The following NUAK1 variants were observed in gnomAD, a reference collection of about 807,000 sequenced individuals.
NUAK1 encodes NUAK family kinase 1.
A neutral mutation model predicts 56.9 loss-of-function variants in NUAK1; 26 were observed. That is an observed-to-expected ratio of 0.46 (90% CI 0.33 to 0.63). NUAK1 has a LOEUF of 0.63. NUAK1 is among the 30% of genes least tolerant of loss of function. The pLI is 0.02. For synonymous variants in NUAK1, 337 were observed against 336.0 expected, an observed-to-expected ratio of 1.00 and a Z score of -0.03; for missense variants, 727 against 876.1, an observed-to-expected ratio of 0.83 and a Z score of 2.15.
Position 106,085,647 on chromosome 12 carries a change from T to C in NUAK1, c.513+1087A>G, listed in dbSNP as rs187253672. On this transcript the variant is annotated intron_variant, in intron 3 of 6. Coordinates refer to ENST00000261402, the MANE Select transcript of NUAK1 (RefSeq NM_014840.3). ...GGCTGAGACATGGCTTGTAGTTATC[T>C]GTGTACTTTATGCCTTTTCCAGAAA... Among the ~76,000 whole-genome samples, 10 of 152,338 alleles carry C rather than the reference T, an allele frequency of 6.6e-5. No homozygotes were observed. The East Asian group carries it at 1.9e-3, about 29-fold the overall frequency.
intron 1 of NUAK1, among the ~76,000 whole-genome samples, chr12:106,116,237 A>C (rs1337558984): frequency 1.3e-5 from 2 of 152,178 alleles, no homozygotes; most frequent in African/African-American, 2.4e-5. Flanking sequence ...GGGACATCTG[A>C]TCATTCCAGC....
In NUAK1 at chr12:106,138,020, G is replaced by T. The variant is rs1460235316; in HGVS notation, c.240+394C>A. On this transcript the variant is annotated intron_variant, in intron 1 of 6. Coordinates refer to ENST00000261402, the MANE Select transcript of NUAK1 (RefSeq NM_014840.3). This position sits in a 1 kb window ranked among gnomAD's most constrained non-coding sequence, Gnocchi z 5.0. ...GGACTTGAGGGGCTAGCTCCTAGCT[G>T]GGAATGTGGTTCTTTGGAGAGTTGT... is the stretch of plus-strand genomic sequence containing the variant. 6.6e-6 allele frequency among the ~76,000 whole-genome samples: 1 copy of T among 152,172 alleles called. No homozygotes were observed. The highest frequency in any genetic ancestry group is 6.5e-5 in the Admixed American group (1 of 15,282).
intron 6 of NUAK1, among the ~76,000 whole-genome samples, chr12:106,070,569 G>T (rs977860646): frequency 1.3e-5 from 2 of 152,190 alleles, no homozygotes; most frequent in Admixed American, 6.5e-5. Context: ...ACTCCTAGAA[G>T]GTGTGCTCTG....
chr12:106,085,538 G>A (rs543545333), intron 3 of NUAK1, among the ~76,000 whole-genome samples: 190 of 152,316 alleles, frequency 1.2e-3, no homozygotes, highest in African/African-American at 4.4e-3. Flanking sequence ...TATCCTCAAA[G>A]TAAATGACTG....
Position 106,066,790 on chromosome 12 carries a change from C to T in NUAK1, c.*12G>A, listed in dbSNP as rs369617236. On this transcript the variant is annotated 3_prime_UTR_variant, in exon 7 of 7. Coordinates refer to ENST00000261402, the MANE Select transcript of NUAK1 (RefSeq NM_014840.3). Reference sequence around the variant, plus strand: ...CCTCGTACCCCCGCCCGCCCCTGGGCGCCCTGGAATGCTAGTTGAGCTTGC... The same window carrying T: ...CCTCGTACCCCCGCCCGCCCCTGGGTGCCCTGGAATGCTAGTTGAGCTTGC... The T allele has an allele frequency of 3.6e-5, 58 of 1,593,860 alleles. No homozygotes were observed. The highest frequency in any genetic ancestry group is 2.6e-4 in the South Asian group (23 of 88,754).
At chr12:106,134,565 C>T (rs930171908) in intron 1 of NUAK1, among the ~76,000 whole-genome samples, 1 of 152,234 alleles carries the variant, frequency 6.6e-6, no homozygotes, top group Admixed American at 6.5e-5. Context: ...ACACCACCTA[C>T]TGCTCACTAG....
intron 1 of NUAK1, among the ~76,000 whole-genome samples, chr12:106,126,251 G>A (rs993273038): frequency 1.3e-5 from 2 of 152,198 alleles, no homozygotes; most frequent in South Asian, 2.1e-4. Flanking sequence ...TGAACTCAAC[G>A]GGGCAATATC....
Position 106,086,715 on chromosome 12 carries a change from G to A in NUAK1, c.513+19C>T, listed in dbSNP as rs370710739. On this transcript the variant is annotated intron_variant, in intron 3 of 6. Transcript: ENST00000261402. ...AAAAACCATCTACGGCCAAAGCTGCGGGCCAGGCGCAGCCATACCTTGTGA... is the reference window on the plus strand; with the variant it reads ...AAAAACCATCTACGGCCAAAGCTGCAGGCCAGGCGCAGCCATACCTTGTGA... The A allele has an allele frequency of 1.1e-5, 18 of 1,589,708 alleles. No individual in the cohort carries two copies. Among genetic ancestry groups the A allele is most frequent in the Admixed American group, 3.4e-5 (2 of 59,340 alleles).
intron 4 of NUAK1, among the ~76,000 whole-genome samples, chr12:106,077,317 C>T (rs565866045): frequency 1.3e-5 from 2 of 152,302 alleles, no homozygotes; most frequent in South Asian, 4.2e-4. Flanking sequence ...CTAGAACCCA[C>T]CTCACATAGG....
intron 1 of NUAK1, among the ~76,000 whole-genome samples, chr12:106,119,927 T>C (rs1353673614): frequency 6.6e-6 from 1 of 152,170 alleles, no homozygotes; most frequent in African/African-American, 2.4e-5. Context: ...CCTGAAGAAA[T>C]GCCTACAATG....
chr12:106,120,255 G>A (rs2032960886), intron 1 of NUAK1, among the ~76,000 whole-genome samples: 1 of 152,064 alleles, frequency 6.6e-6, no homozygotes, highest in African/African-American at 2.4e-5. Flanking sequence ...CACTGCAACT[G>A]GCCCTTTGCT....
chr12:106,077,218 C>T (rs2032473202), intron 4 of NUAK1, among the ~76,000 whole-genome samples: 1 of 152,172 alleles, frequency 6.6e-6, no homozygotes. Flanking sequence ...CCAGGAGAAC[C>T]TGGGGCTAAT....
chr12:106,067,189 C>A lies in NUAK1; in HGVS notation c.1599G>T (p.Ala533=). The A allele has an allele frequency of 1.2e-6, 2 of 1,613,964 alleles. No individual in the cohort carries two copies. The highest frequency in any genetic ancestry group is 1.7e-6 in the Non-Finnish European group (2 of 1,179,970). Residue 533 remains alanine, a synonymous_variant, in exon 7 of 7, where the codon GCG becomes GCT. Transcript: ENST00000261402. This position sits in a 1 kb window ranked among gnomAD's most constrained non-coding sequence, Gnocchi z 6.0. ...TGACCAGGGCTGGGTCCATGGTGCC[C>A]GCTGAGTATTTGCTGCTGTGTTTCA... is the stretch of plus-strand genomic sequence containing the variant. ...GILKHSSKYS[A]GTMDPALVSP...
rs757859531 is a variant in NUAK1 at position 106,067,862 on chromosome 12, C to T, written c.926G>A (p.Gly309Asp). ...DIANHWWVNW[G>D]YKSSVCDCDA... Reference sequence around the variant, plus strand: ...ACAGTCACACACGCTGCTCTTATAGCCCCAGTTCACCCACCAGTGGTTGGC... The same window carrying T: ...ACAGTCACACACGCTGCTCTTATAGTCCCAGTTCACCCACCAGTGGTTGGC... The change falls in exon 7 of 7, where the codon GGC becomes GAC. Residue 309 changes from glycine to aspartate, a missense_variant. Gly to Asp is a moderately conservative substitution (Grantham distance 94). Coordinates refer to ENST00000261402, the MANE Select transcript of NUAK1 (RefSeq NM_014840.3). The surrounding 1 kb of genome is among the most constrained non-coding windows in gnomAD (Gnocchi z 6.0). The T allele has an allele frequency of 6.2e-7, 1 of 1,614,194 alleles. No homozygotes were observed. The highest frequency in any genetic ancestry group is 1.3e-5 in the African/African-American group (1 of 75,058).
In NUAK1 at chr12:106,066,616, C is replaced by A. The variant is rs1592846117; in HGVS notation, c.*186G>T. The A allele has an allele frequency of 1.6e-6, 1 of 630,136 alleles. No homozygotes were observed. Among genetic ancestry groups the A allele is most frequent in the Non-Finnish European group, 2.8e-6 (1 of 357,256 alleles). 39.0% of individuals were successfully genotyped at this position (630,136 alleles called of 1,614,324 possible). ...AAATTCTGACTGACAATTGACAGAA[C>A]TGGCAGAAGAGCCCACCTCTCCCTT... is the stretch of plus-strand genomic sequence containing the variant. On this transcript the variant is annotated 3_prime_UTR_variant, in exon 7 of 7. Coordinates refer to ENST00000261402, the MANE Select transcript of NUAK1 (RefSeq NM_014840.3).
At chr12:106,091,404 T>C (rs960877781) in intron 2 of NUAK1, among the ~76,000 whole-genome samples, 7 of 152,180 alleles carry the variant, frequency 4.6e-5, no homozygotes, top group Admixed American at 3.9e-4. Flanking sequence ...GCCTGGTTTT[T>C]AGCACAGCAG....
Position 106,138,424 on chromosome 12 carries a change from GA to G in NUAK1, c.229del (p.Ser77LeufsTer7), listed in dbSNP as rs1394646497. The G allele has an allele frequency of 6.2e-7, 1 of 1,609,670 alleles. No homozygotes were observed. Among genetic ancestry groups the G allele is most frequent in the African/African-American group, 1.3e-5 (1 of 74,952 alleles). ...GKVKRATERF[S>X]GRVVAIKSIR... Reference sequence around the variant, plus strand: ...GATTGCCCCACTCACCACTCGGCCAGAAAACCTCTCGGTGGCCCGCTTGACT... The same window carrying G: ...GATTGCCCCACTCACCACTCGGCCAGAAACCTCTCGGTGGCCCGCTTGACT... On this transcript the variant is annotated frameshift_variant, in exon 1 of 7. Transcript: ENST00000261402. LOFTEE classifies it high-confidence loss of function. The surrounding 1 kb of genome is among the most constrained non-coding windows in gnomAD (Gnocchi z 5.0).
chr12:106,106,380 G>T, intron 2 of NUAK1, 25 bp downstream of exon 2: 1 of 1,528,664 alleles, frequency 6.5e-7, no homozygotes, highest in Non-Finnish European at 8.9e-7. Flanking sequence ...TGATATGGGG[G>T]TTAAAAAAAA....
At chr12:106,106,669 C>A (rs2032805174) in intron 1 of NUAK1, 144 bp from the exon 2 acceptor site, 2 of 718,322 alleles carry the variant, frequency 2.8e-6, no homozygotes, top group Non-Finnish European at 4.3e-6. Flanking sequence ...GCCCCCTTGT[C>A]ATGTCTTTCA....
Sources: allele counts gnomAD v4.1 joint callset (sites outside exome capture counted in the v4.1 genomes callset), GRCh38; gene constraint gnomAD v4.1.1; non-coding constraint Gnocchi (gnomAD v3.1); transcripts MANE v1.5; gene names NCBI Gene and HGNC (gene_info 2026-07-23, HGNC 2026-07-21).